Variants in ATP11A observed in about 807,000 individuals in gnomAD.
The protein encoded by ATP11A is ATPase phospholipid transporting 11A, also known as phospholipid-transporting ATPase IH.
In ATP11A, 81 loss-of-function variants were observed where a neutral mutation model predicts 154.4. The observed-to-expected ratio is 0.52, with a 90% CI of 0.44 to 0.63. The LOEUF (loss-of-function observed/expected upper bound fraction) is 0.63, where lower values mean the gene tolerates loss of function less well. Among genes scored for constraint, ATP11A ranks in the 30% least tolerant of loss-of-function variants. The pLI is 0.00. For missense variants in ATP11A, 1,316 were observed against 1,474.3 expected, an observed-to-expected ratio of 0.89 and a Z score of 1.76; for synonymous variants, 623 against 585.9, an observed-to-expected ratio of 1.06 and a Z score of -0.91.
At chr13:112,774,937 G>A (rs78923592) in intron 1 of ATP11A, among the ~76,000 whole-genome samples, 4 of 152,080 alleles carry the variant, frequency 2.6e-5, no homozygotes, top group East Asian at 3.9e-4. Flanking sequence ...CCCCCGTCAC[G>A]GGAGCCGCAG....
chr13:112,852,466 C>G (rs2079794061), intron 18 of ATP11A, among the ~76,000 whole-genome samples: 1 of 152,208 alleles, frequency 6.6e-6, no homozygotes, highest in African/African-American at 2.4e-5. Context: ...AGTAAGTGCA[C>G]AGAGCACCGT....
chr13:112,770,984 C>G (rs1042599508), intron 1 of ATP11A, among the ~76,000 whole-genome samples: 2 of 152,182 alleles, frequency 1.3e-5, no homozygotes, highest in Non-Finnish European at 2.9e-5. Context: ...TGATTGAGGC[C>G]GGTCGGCTTG....
At chr13:112,867,687 T>C (rs2080381670) in intron 25 of ATP11A, among the ~76,000 whole-genome samples, 2 of 152,224 alleles carry the variant, frequency 1.3e-5, no homozygotes, top group South Asian at 4.1e-4. Context: ...CTCTTCCGGC[T>C]GTACCCTCCA....
intron 29 of ATP11A, chr13:112,881,484 A>G: frequency 1.8e-6 from 2 of 1,099,348 alleles, no homozygotes; most frequent in African/African-American, 1.6e-5. Flanking sequence ...AGCCAGCTAC[A>G]GGGAGGAAGC....
At position 112,854,293 on chromosome 13, in the gene ATP11A, C is replaced by A. The variant is rs1176234857; in HGVS notation, c.2006C>A (p.Ala669Asp). Residue 669 changes from alanine to aspartate, a missense_variant, in exon 19 of 30, where the codon GCT (alanine) becomes GAT (aspartate). Ala to Asp is a moderately radical substitution (Grantham distance 126, BLOSUM62 -2). Transcript: ENST00000375645. Reference protein sequence around the residue: ...TAVEDRLQEKAADTIEALQKA... With the variant: ...TAVEDRLQEKDADTIEALQKA... Reference sequence around the variant, plus strand: ...GCCTCCCTCAGGCTGCAGGAGAAAGCTGCAGACACCATCGAGGCCCTGCAG... The same window carrying A: ...GCCTCCCTCAGGCTGCAGGAGAAAGATGCAGACACCATCGAGGCCCTGCAG... 1 of 1,614,126 alleles carries A rather than the reference C, an allele frequency of 6.2e-7. No individual in the cohort carries two copies. Among genetic ancestry groups the A allele is most frequent in the Admixed American group, 1.7e-5 (1 of 60,022 alleles).
intron 1 of ATP11A, among the ~76,000 whole-genome samples, chr13:112,765,019 C>T (rs888561153): frequency 2.0e-5 from 3 of 152,166 alleles, no homozygotes; most frequent in Non-Finnish European, 4.4e-5. Flanking sequence ...CCCCACCGCA[C>T]GCTTTTCTTG....
chr13:112,716,579 G>A (rs187141990), intron 1 of ATP11A, among the ~76,000 whole-genome samples: 16 of 152,302 alleles, frequency 1.1e-4, no homozygotes, highest in Non-Finnish European at 2.2e-4. Context: ...ACCTTCCACT[G>A]TGCCGGTCTT....
At chr13:112,720,492 A>G (rs1415051032) in intron 1 of ATP11A, among the ~76,000 whole-genome samples, 1 of 151,798 alleles carries the variant, frequency 6.6e-6, no homozygotes, top group Admixed American at 6.6e-5. Context: ...GCCTGGGTTG[A>G]GGCAAAGAGG....
intron 1 of ATP11A, among the ~76,000 whole-genome samples, chr13:112,728,973 T>C (rs543516709): frequency 6.6e-6 from 1 of 152,272 alleles, no homozygotes; most frequent in East Asian, 1.9e-4. Context: ...GCAAATGCAG[T>C]GATCAGAGGC....
chr13:112,759,491 A>G (rs2139865429), intron 1 of ATP11A, among the ~76,000 whole-genome samples: 1 of 152,356 alleles, frequency 6.6e-6, no homozygotes, highest in South Asian at 2.1e-4. Context: ...TGAGCGATGT[A>G]ACAAATTCAG....
intron 4 of ATP11A, among the ~76,000 whole-genome samples, 154 bp from the exon 5 acceptor site, chr13:112,810,465 T>C (rs1026422802): frequency 7.2e-5 from 11 of 152,230 alleles, no homozygotes; most frequent in Admixed American, 7.2e-4. Flanking sequence ...TCAAGGATAG[T>C]GTGTGTAGTG....
intron 1 of ATP11A, among the ~76,000 whole-genome samples, chr13:112,765,917 C>A (rs966064597): frequency 6.6e-6 from 1 of 152,280 alleles, no homozygotes; most frequent in African/African-American, 2.4e-5. Context: ...GGGTCCTCCC[C>A]CTTCTGAAGC....
chr13:112,793,258 A>G (rs934784247), intron 2 of ATP11A, among the ~76,000 whole-genome samples: 1 of 152,030 alleles, frequency 6.6e-6, no homozygotes, highest in African/African-American at 2.4e-5. Context: ...CTGGAGTGCA[A>G]TGGTGCGATC....
rs573434536 is a variant in ATP11A at position 112,743,073 on chromosome 13, G to A, written c.40-42062G>A. 4.6e-5 allele frequency among the ~76,000 whole-genome samples: 7 copies of A among 152,308 alleles called. No individual in the cohort carries two copies. The East Asian group carries it at 1.2e-3, about 25-fold the overall frequency. ...TGTGCAGAGGGTTCTATGGAGAGGCGAAGTCGTTAGCCTGCTGTGGCTTCT... is the reference window on the plus strand; with the variant it reads ...TGTGCAGAGGGTTCTATGGAGAGGCAAAGTCGTTAGCCTGCTGTGGCTTCT... On this transcript the variant is annotated intron_variant, in intron 1 of 29. Coordinates refer to ENST00000375645, the MANE Select transcript of ATP11A (RefSeq NM_015205.3).
intron 5 of ATP11A, among the ~76,000 whole-genome samples, chr13:112,814,473 T>C (rs182451565): frequency 1.4e-3 from 213 of 152,330 alleles, no homozygotes; most frequent in Non-Finnish European, 2.7e-3. Context: ...AAAAGTGTTA[T>C]AGTTTCATGT....
chr13:112,758,840 T>C (rs61961140), intron 1 of ATP11A, among the ~76,000 whole-genome samples: 287 of 152,298 alleles, frequency 1.9e-3, no homozygotes, highest in Admixed American at 3.9e-3. Flanking sequence ...CTCAGAACGG[T>C]TCATTACCGT....
chr13:112,777,054 C>T (rs989504034), intron 1 of ATP11A, among the ~76,000 whole-genome samples: 1 of 152,180 alleles, frequency 6.6e-6, no homozygotes, highest in Non-Finnish European at 1.5e-5. Context: ...AGTTCATGCT[C>T]CTGTGGCAGT....
chr13:112,803,166 C>T (rs1810923776), intron 2 of ATP11A, among the ~76,000 whole-genome samples: 1 of 152,150 alleles, frequency 6.6e-6, no homozygotes, highest in South Asian at 2.1e-4. Context: ...AATGGAAATT[C>T]CTTATATACT....
At chr13:112,702,051 C>T (rs986460066) in intron 1 of ATP11A, among the ~76,000 whole-genome samples, 1 of 151,492 alleles carries the variant, frequency 6.6e-6, no homozygotes, top group African/African-American at 2.4e-5. Flanking sequence ...TGTGCAAAAA[C>T]ACTCTTAAGT....
Sources: gnomAD v4.1 joint callset for allele counts (sites outside exome capture counted in the v4.1 genomes callset) on GRCh38, gnomAD v4.1.1 for gene constraint, MANE v1.5 for transcripts, NCBI Gene and HGNC (gene_info 2026-07-23, HGNC 2026-07-21) for gene names.